Variants in AGPAT4 observed in about 807,000 individuals in gnomAD.
AGPAT4 encodes 1-acyl-sn-glycerol-3-phosphate acyltransferase delta.
In AGPAT4, 15 loss-of-function variants were observed where a neutral mutation model predicts 48.0. That is an observed-to-expected ratio of 0.31 (90% CI 0.21 to 0.48). The LOEUF (loss-of-function observed/expected upper bound fraction) is 0.48, where lower values mean the gene tolerates loss of function less well. Among genes scored for constraint, AGPAT4 ranks in the 20% least tolerant of loss-of-function variants. AGPAT4 has a pLI of 0.99. For missense variants in AGPAT4, 314 were observed against 482.5 expected, an observed-to-expected ratio of 0.65 and a Z score of 3.27; for synonymous variants, 178 against 198.7, an observed-to-expected ratio of 0.90 and a Z score of 0.88.
rs1202214526 is a variant in AGPAT4 at position 161,221,360 on chromosome 6, G to A, written c.178+10676C>T. 6.6e-6 allele frequency among the ~76,000 whole-genome samples: 1 copy of A among 152,160 alleles called. No homozygotes were observed. Among genetic ancestry groups the A allele is most frequent in the Non-Finnish European group, 1.5e-5 (1 of 68,026 alleles). ...TCCTTTGAGTTCCTGGATTTAAGAG[G>A]TGGGAAAAAGGATTTCTTGGCCTCG... On this transcript the variant is annotated intron_variant, in intron 2 of 8. Transcript: ENST00000320285. The surrounding 1 kb of genome is among the most constrained non-coding windows in gnomAD (Gnocchi z 4.5).
chr6:161,160,833 C>T (rs1034673577), intron 3 of AGPAT4: 22 of 368,840 alleles, frequency 6.0e-5, no homozygotes, highest in Middle Eastern at 9.2e-4. Flanking sequence ...GCGTTAGCCC[C>T]GCAGATGGGA....
Position 161,202,693 on chromosome 6 carries a change from C to T in AGPAT4, c.178+29343G>A, listed in dbSNP as rs1781267598. On this transcript the variant is annotated intron_variant, in intron 2 of 8. Transcript: ENST00000320285. The surrounding 1 kb of genome is among the most constrained non-coding windows in gnomAD (Gnocchi z 5.4). Reference sequence around the variant, plus strand: ...CCCATCGAGAGGTAAAATGGAATTTCCCCTTTCTTGATCTAAGAGGGCTAC... The same window carrying T: ...CCCATCGAGAGGTAAAATGGAATTTTCCCTTTCTTGATCTAAGAGGGCTAC... 6.6e-6 allele frequency among the ~76,000 whole-genome samples: 1 copy of T among 152,090 alleles called. No homozygotes were observed. The highest frequency in any genetic ancestry group is 2.1e-4 in the South Asian group (1 of 4,816).
chr6:161,136,756 C>T (rs537843852), intron 8 of AGPAT4, 122 bp from the exon 9 acceptor site: 9 of 779,240 alleles, frequency 1.2e-5, no homozygotes, highest in Admixed American at 7.0e-5. Flanking sequence ...AGCTGGCTGG[C>T]GGGTTTGAGG....
Position 161,261,526 on chromosome 6 carries a change from C to T in AGPAT4, c.-90+12412G>A, listed in dbSNP as rs943788024. Among the ~76,000 whole-genome samples, 2 of 152,182 alleles carry T rather than the reference C, an allele frequency of 1.3e-5. No homozygotes were observed. Among genetic ancestry groups the T allele is most frequent in the African/African-American group, 4.8e-5 (2 of 41,456 alleles). ...CTGCTCCAGGGAAACGCCCGGCTCACGGCTGACTCATGATGGGACCTGTCA... is the reference window on the plus strand; with the variant it reads ...CTGCTCCAGGGAAACGCCCGGCTCATGGCTGACTCATGATGGGACCTGTCA... On this transcript the variant is annotated intron_variant, in intron 1 of 8. Coordinates refer to ENST00000320285, the MANE Select transcript of AGPAT4 (RefSeq NM_020133.3). This position sits in a 1 kb window ranked among gnomAD's most constrained non-coding sequence, Gnocchi z 5.3.
intron 2 of AGPAT4, among the ~76,000 whole-genome samples, chr6:161,173,059 T>C (rs1168013761): frequency 6.6e-6 from 1 of 152,230 alleles, no homozygotes; most frequent in Non-Finnish European, 1.5e-5. Context: ...GACATTTGGG[T>C]TGGTTCCAAG....
In AGPAT4 at chr6:161,153,526, C is replaced by T. The variant is rs377270615; in HGVS notation, c.511-27G>A. 208 of 1,610,898 alleles carry T rather than the reference C, an allele frequency of 1.3e-4. 1 individual carries two copies. Among genetic ancestry groups the T allele is most frequent in the African/African-American group, 3.2e-4 (24 of 75,008 alleles). On this transcript the variant is annotated intron_variant, in intron 4 of 8. Transcript: ENST00000320285. ...TGGAAGGAAGGAGGCAGGAGTCGCACGCAGCCTCGGGGTCACACACAGCCC... is the reference window on the plus strand; with the variant it reads ...TGGAAGGAAGGAGGCAGGAGTCGCATGCAGCCTCGGGGTCACACACAGCCC...
chr6:161,134,556 C>T lies in AGPAT4; in HGVS notation c.*1984G>A, dbSNP rs764223211. 11 of 152,116 alleles carry T rather than the reference C, an allele frequency of 7.2e-5. No individual in the cohort carries two copies. The highest frequency in any genetic ancestry group is 1.2e-4 in the Non-Finnish European group (8 of 68,030). The allele number at this position is 152,116 out of a possible 1,614,324, so 9.4% of individuals were successfully genotyped here. A position where few individuals can be genotyped will look rare whatever the true frequency, so the allele number is the denominator to read the frequency against. On this transcript the variant is annotated 3_prime_UTR_variant, in exon 9 of 9. Coordinates refer to ENST00000320285, the MANE Select transcript of AGPAT4 (RefSeq NM_020133.3). Reference sequence around the variant, plus strand: ...TTGACACACCCCAAGAGGTAGATATCGTCACCCCCATTTTGCAGATGGGGA... The same window carrying T: ...TTGACACACCCCAAGAGGTAGATATTGTCACCCCCATTTTGCAGATGGGGA...
intron 2 of AGPAT4, among the ~76,000 whole-genome samples, chr6:161,176,222 T>C (rs954611020): frequency 4.0e-4 from 61 of 152,334 alleles, no homozygotes; most frequent in African/African-American, 1.3e-3. Flanking sequence ...ATCTGTCTAA[T>C]GTTGACAGTG....
chr6:161,188,045 C>T (rs1008364396), intron 2 of AGPAT4, among the ~76,000 whole-genome samples: 7 of 151,996 alleles, frequency 4.6e-5, no homozygotes, highest in East Asian at 1.9e-4. Context: ...CAGAGAAATA[C>T]GTATACATTA....
chr6:161,229,418 C>A lies in AGPAT4; in HGVS notation c.178+2618G>T, dbSNP rs571774026. ...CATCTGCTAGTTAAGCTGCTGAATT[C>A]CCCACAAACTGTCTCCTCCTCTGGC... On this transcript the variant is annotated intron_variant, in intron 2 of 8. Coordinates refer to ENST00000320285, the MANE Select transcript of AGPAT4 (RefSeq NM_020133.3). The surrounding 1 kb of genome is among the most constrained non-coding windows in gnomAD (Gnocchi z 6.0). Among the ~76,000 whole-genome samples the A allele has an allele frequency of 6.6e-6, 1 of 152,268 alleles. No homozygotes were observed. Among genetic ancestry groups the A allele is most frequent in the Admixed American group, 6.5e-5 (1 of 15,294 alleles).
chr6:161,181,894 G>A (rs544056091), intron 2 of AGPAT4, among the ~76,000 whole-genome samples: 3 of 152,280 alleles, frequency 2.0e-5, no homozygotes, highest in South Asian at 2.1e-4. Context: ...TGGAGGGGGC[G>A]TGGGGTGGAC....
chr6:161,142,520 G>C lies in AGPAT4; in HGVS notation c.844-2900C>G, dbSNP rs1318334853. Among the ~76,000 whole-genome samples the C allele has an allele frequency of 6.6e-6, 1 of 152,196 alleles. No individual in the cohort carries two copies. Among genetic ancestry groups the C allele is most frequent in the African/African-American group, 2.4e-5 (1 of 41,452 alleles). On this transcript the variant is annotated intron_variant, in intron 7 of 8. Coordinates refer to ENST00000320285, the MANE Select transcript of AGPAT4 (RefSeq NM_020133.3). The surrounding 1 kb of genome is among the most constrained non-coding windows in gnomAD (Gnocchi z 6.4). ...GCCAAGAGGAGAACGAGATCCTATTGAGAGGCGGCAGATCCCCGGACGAAC... is the reference window on the plus strand; with the variant it reads ...GCCAAGAGGAGAACGAGATCCTATTCAGAGGCGGCAGATCCCCGGACGAAC...
Position 161,220,357 on chromosome 6 carries a change from C to T in AGPAT4, c.178+11679G>A, listed in dbSNP as rs1781799974. Reference sequence around the variant, plus strand: ...CCCAATTCTAAATAAAATCATTTCACTAGGAATTGGGCCAGAGTGTAACAG... The same window carrying T: ...CCCAATTCTAAATAAAATCATTTCATTAGGAATTGGGCCAGAGTGTAACAG... On this transcript the variant is annotated intron_variant, in intron 2 of 8. Transcript: ENST00000320285. The surrounding 1 kb of genome is among the most constrained non-coding windows in gnomAD (Gnocchi z 6.0). 6.6e-6 allele frequency among the ~76,000 whole-genome samples: 1 copy of T among 152,136 alleles called. No homozygotes were observed. Among genetic ancestry groups the T allele is most frequent in the South Asian group, 2.1e-4 (1 of 4,826 alleles).
intron 2 of AGPAT4, among the ~76,000 whole-genome samples, chr6:161,174,628 T>A (rs1780376857): frequency 6.6e-6 from 1 of 152,196 alleles, no homozygotes; most frequent in Non-Finnish European, 1.5e-5. Context: ...CCTAACTGAA[T>A]ACCCTTTATT....
rs1783189357 is a variant in AGPAT4 at position 161,264,487 on chromosome 6, T to A, written c.-90+9451A>T. Among the ~76,000 whole-genome samples, 2 of 152,182 alleles carry A rather than the reference T, an allele frequency of 1.3e-5. No homozygotes were observed. The highest frequency in any genetic ancestry group is 4.1e-4 in the South Asian group (2 of 4,830). ...ACTTCCAGACCTAACGTGGGGGCTG[T>A]TCTTCTCTAGGAAGTATTTTAGGAA... On this transcript the variant is annotated intron_variant, in intron 1 of 8. Coordinates refer to ENST00000320285, the MANE Select transcript of AGPAT4 (RefSeq NM_020133.3). This position sits in a 1 kb window ranked among gnomAD's most constrained non-coding sequence, Gnocchi z 6.8.
rs41268553 is a variant in AGPAT4, at chr6:161,146,663, G to C, written c.768-64C>G. ...GCCCCCCTACAACATACAGTTTCCA[G>C]TAACGGTGCTGCCGTTTTTTGTTTT... On this transcript the variant is annotated intron_variant, in intron 6 of 8. Transcript: ENST00000320285. The surrounding 1 kb of genome is among the most constrained non-coding windows in gnomAD (Gnocchi z 7.1). The C allele has an allele frequency of 0.01, 15,072 of 1,506,972 alleles. 137 individuals carry two copies. Among genetic ancestry groups the C allele is most frequent in the African/African-American group, 0.041 (2,963 of 72,596 alleles). 93.4% of individuals were successfully genotyped at this position (1,506,972 alleles called of 1,614,324 possible).
rs914227441 is a variant in AGPAT4 at position 161,137,817 on chromosome 6, A to G, written c.1043-1183T>C. Among the ~76,000 whole-genome samples the G allele has an allele frequency of 6.7e-6, 1 of 149,110 alleles. No homozygotes were observed. The highest frequency in any genetic ancestry group is 2.5e-5 in the African/African-American group (1 of 40,196). Reference sequence around the variant, plus strand: ...ACACTGCACCCCTCAGATGCTCCTGAAGACTCCCTGTGTCCACACTGCACC... The same window carrying G: ...ACACTGCACCCCTCAGATGCTCCTGGAGACTCCCTGTGTCCACACTGCACC... On this transcript the variant is annotated intron_variant, in intron 8 of 8. Coordinates refer to ENST00000320285, the MANE Select transcript of AGPAT4 (RefSeq NM_020133.3). This position sits in a 1 kb window ranked among gnomAD's most constrained non-coding sequence, Gnocchi z 6.1.
Position 161,244,373 on chromosome 6 carries a change from T to C in AGPAT4, c.-89-12071A>G, listed in dbSNP as rs1782590391. 6.6e-6 allele frequency among the ~76,000 whole-genome samples: 1 copy of C among 152,218 alleles called. No individual in the cohort carries two copies. Among genetic ancestry groups the C allele is most frequent in the South Asian group, 2.1e-4 (1 of 4,830 alleles). Reference sequence around the variant, plus strand: ...AAGACTTTTTAATAAAATCTGATCTTTAATATTTCAAAATACGACAAAAAC... The same window carrying C: ...AAGACTTTTTAATAAAATCTGATCTCTAATATTTCAAAATACGACAAAAAC... On this transcript the variant is annotated intron_variant, in intron 1 of 8. Transcript: ENST00000320285. The surrounding 1 kb of genome is among the most constrained non-coding windows in gnomAD (Gnocchi z 4.7).
In AGPAT4 at chr6:161,158,096, C is replaced by T. The variant is rs1562316753; in HGVS notation, c.349-3786G>A. 6.6e-6 allele frequency among the ~76,000 whole-genome samples: 1 copy of T among 152,226 alleles called. No homozygotes were observed. The highest frequency in any genetic ancestry group is 2.4e-5 in the African/African-American group (1 of 41,466). Reference sequence around the variant, plus strand: ...CTCCTTATTCAACCCATTTTCTCTGCCATGCTTTAGCGTAATAGTAACAAC... The same window carrying T: ...CTCCTTATTCAACCCATTTTCTCTGTCATGCTTTAGCGTAATAGTAACAAC... On this transcript the variant is annotated intron_variant, in intron 3 of 8. Coordinates refer to ENST00000320285, the MANE Select transcript of AGPAT4 (RefSeq NM_020133.3). This position sits in a 1 kb window ranked among gnomAD's most constrained non-coding sequence, Gnocchi z 5.3.
Sources: allele counts gnomAD v4.1 joint callset (sites outside exome capture counted in the v4.1 genomes callset), GRCh38; gene constraint gnomAD v4.1.1; non-coding constraint Gnocchi (gnomAD v3.1); transcripts MANE v1.5; gene names NCBI Gene and HGNC (gene_info 2026-07-23, HGNC 2026-07-21).